The following PIK3C2G variants were observed in gnomAD, a reference collection of about 807,000 sequenced individuals.
PIK3C2G encodes phosphatidylinositol 3-kinase C2 domain-containing subunit gamma.
A neutral mutation model predicts 181.1 loss-of-function variants in PIK3C2G; 168 were observed. The ratio of observed to expected loss-of-function variants is 0.93; its 90% confidence interval spans 0.82 to 1.05. The LOEUF is 1.05. Ranked by LOEUF, PIK3C2G falls within the 50% of genes least tolerant of loss-of-function variation. PIK3C2G has a pLI of 0.00. For missense variants in PIK3C2G, 1,869 were observed against 1,732.8 expected (o/e 1.08, Z -1.40); for synonymous variants, 573 against 592.2 (o/e 0.97, Z 0.47).
chr12:18,270,304 T>A (rs139636530), intron 1 of PIK3C2G, among the ~76,000 whole-genome samples: 74 of 152,284 alleles, frequency 4.9e-4, no homozygotes, highest in African/African-American at 1.6e-3. Context: ...ATGTTAGAAA[T>A]GTTTACTAAT....
chr12:18,619,974 A>G (rs1948776494), intron 31 of PIK3C2G, among the ~76,000 whole-genome samples: 1 of 151,864 alleles, frequency 6.6e-6, no homozygotes, highest in Non-Finnish European at 1.5e-5. Flanking sequence ...TCCGCCCACC[A>G]CGGCCTCCCA....
intron 25 of PIK3C2G, among the ~76,000 whole-genome samples, chr12:18,538,919 C>T (rs1385644651): frequency 6.6e-6 from 1 of 151,836 alleles, no homozygotes; most frequent in East Asian, 1.9e-4. Context: ...AGATGGAGAC[C>T]AGATATGTAC....
the PIK3C2G span, among the ~76,000 whole-genome samples, chr12:18,673,509 A>G: frequency 6.6e-6 from 1 of 152,318 alleles, no homozygotes; most frequent in Non-Finnish European, 1.5e-5. Flanking sequence ...GAACAAGGCT[A>G]GAGAAGCCTT....
chr12:18,309,029 T>C (rs1950535107), intron 5 of PIK3C2G, among the ~76,000 whole-genome samples: 1 of 151,774 alleles, frequency 6.6e-6, no homozygotes, highest in Non-Finnish European at 1.5e-5. Context: ...GTGGAAAAGA[T>C]AAATATCTTA....
chr12:18,352,688 A>G (rs1050905792), intron 11 of PIK3C2G, among the ~76,000 whole-genome samples: 1 of 152,094 alleles, frequency 6.6e-6, no homozygotes, highest in Non-Finnish European at 1.5e-5. Flanking sequence ...AATGCAGGAG[A>G]TTTTATTGCT....
intron 13 of PIK3C2G, among the ~76,000 whole-genome samples, chr12:18,376,089 T>C (rs890811740): frequency 6.6e-6 from 1 of 152,116 alleles, no homozygotes; most frequent in African/African-American, 2.4e-5. Context: ...AAATATGGGG[T>C]TGGATTCCTC....
chr12:18,680,902 C>G, the PIK3C2G span, among the ~76,000 whole-genome samples: 1 of 151,970 alleles, frequency 6.6e-6, no homozygotes. Flanking sequence ...TAAATCTTAT[C>G]TATATGATGA....
At chr12:18,279,957 C>CA (rs1311478683) in intron 1 of PIK3C2G, among the ~76,000 whole-genome samples, 1 of 151,748 alleles carries the variant, frequency 6.6e-6, no homozygotes, top group Admixed American at 6.6e-5. Context: ...TTATGATTTT[C>CA]AAAAAAATTT....
chr12:18,298,408 CTTT>C (rs71061295), intron 5 of PIK3C2G, among the ~76,000 whole-genome samples: 1 of 138,414 alleles, frequency 7.2e-6, no homozygotes, highest in Non-Finnish European at 1.6e-5. Flanking sequence ...TGTGTTTTTT[CTTT>C]TTTTTTTTTT....
the PIK3C2G span, among the ~76,000 whole-genome samples, chr12:18,717,430 C>A: frequency 6.6e-6 from 1 of 152,070 alleles, no homozygotes; most frequent in Non-Finnish European, 1.5e-5. Flanking sequence ...TAGAAGATAT[C>A]TTTTCTATTG....
intron 31 of PIK3C2G, among the ~76,000 whole-genome samples, chr12:18,613,220 C>T (rs1948432059): frequency 6.6e-6 from 1 of 151,940 alleles, no homozygotes; most frequent in Non-Finnish European, 1.5e-5. Flanking sequence ...CTCTCTTCTC[C>T]CTGCTCCAGA....
intron 5 of PIK3C2G, among the ~76,000 whole-genome samples, chr12:18,303,930 T>G: frequency 6.6e-6 from 1 of 151,988 alleles, no homozygotes; most frequent in Non-Finnish European, 1.5e-5. Flanking sequence ...AATTGAGTGC[T>G]GAAAACATAT....
At position 18,539,136 on chromosome 12, in the gene PIK3C2G, A is replaced by G. The variant is rs924426817; in HGVS notation, c.3480+824A>G. ...AATTCTACCAGATGTTGTTAAGGGT[A>G]CAAACATGGCAGGCAGACCTTTCTG... On this transcript the variant is annotated intron_variant, in intron 25 of 32. Coordinates refer to ENST00000538779, the MANE Select transcript of PIK3C2G (RefSeq NM_001288772.2). Among the ~76,000 whole-genome samples, 31 of 152,098 alleles carry G rather than the reference A, an allele frequency of 2.0e-4. No homozygotes were observed. In the East Asian group the frequency reaches 2.1e-3, roughly 10 times the overall value.
intron 14 of PIK3C2G, among the ~76,000 whole-genome samples, chr12:18,384,663 C>T (rs761578411): frequency 5.9e-5 from 9 of 152,042 alleles, no homozygotes; most frequent in Non-Finnish European, 1.0e-4. Flanking sequence ...TAAATAGTTC[C>T]TTTATCAACA....
At chr12:18,468,097 C>A (rs1013852615) in intron 18 of PIK3C2G, among the ~76,000 whole-genome samples, 1 of 151,982 alleles carries the variant, frequency 6.6e-6, no homozygotes, top group Non-Finnish European at 1.5e-5. Flanking sequence ...CATAAAAGGA[C>A]CTCAAGTTTT....
intron 31 of PIK3C2G, among the ~76,000 whole-genome samples, chr12:18,624,685 A>G (rs536915749): frequency 2.6e-5 from 4 of 151,526 alleles, no homozygotes; most frequent in Admixed American, 2.0e-4. Flanking sequence ...TTTTTTGAGG[A>G]GAGACTTTTT....
At position 18,381,870 on chromosome 12, in the gene PIK3C2G, T is replaced by C; in HGVS notation, c.1985T>C (p.Val662Ala). Reference sequence around the variant, plus strand: ...TGGGATGTAAGTCAGCCATCCCCGGTGACCCTGCAGGTAAGTGCCAGGCTA... The same window carrying C: ...TGGGATGTAAGTCAGCCATCCCCGGCGACCCTGCAGGTAAGTGCCAGGCTA... ...GVWDVSQPSPVTLQIDFPATG... is the reference protein window; with the variant it reads ...GVWDVSQPSPATLQIDFPATG... Residue 662 changes from valine (V) to alanine (A), a missense_variant, in exon 14 of 33, where the codon GTG becomes GCG. By Grantham distance (64) the Val-to-Ala change is moderately conservative (BLOSUM62 0). Coordinates refer to ENST00000538779, the MANE Select transcript of PIK3C2G (RefSeq NM_001288772.2). 6.2e-7 allele frequency: 1 copy of C among 1,603,544 alleles called. No homozygotes were observed. Among genetic ancestry groups the C allele is most frequent in the Non-Finnish European group, 8.5e-7 (1 of 1,170,384 alleles).
intron 29 of PIK3C2G, among the ~76,000 whole-genome samples, chr12:18,585,556 T>C (rs1239445806): frequency 6.8e-6 from 1 of 147,262 alleles, no homozygotes; most frequent in Non-Finnish European, 1.5e-5. Flanking sequence ...AAGCAAGTTC[T>C]TAGAGACCTA....
At chr12:18,546,954 G>T (rs562389271) in intron 26 of PIK3C2G, among the ~76,000 whole-genome samples, 109 of 151,962 alleles carry the variant, frequency 7.2e-4, no homozygotes, top group African/African-American at 2.5e-3. Context: ...CCCCAAATCT[G>T]GTCAAAAGGA....
Sources: allele counts gnomAD v4.1 joint callset (sites outside exome capture counted in the v4.1 genomes callset), GRCh38; gene constraint gnomAD v4.1.1; transcripts MANE v1.5; gene names NCBI Gene and HGNC (gene_info 2026-07-23, HGNC 2026-07-21).